Variants in CALN1 observed in about 807,000 individuals in gnomAD.
The protein encoded by CALN1 is calcium-binding protein 8.
A neutral mutation model predicts 30.6 loss-of-function variants in CALN1; 17 were observed. The ratio of observed to expected loss-of-function variants is 0.56; its 90% CI spans 0.38 to 0.83. The LOEUF (loss-of-function observed/expected upper bound fraction) is 0.83, where lower values mean the gene tolerates loss of function less well. Ranked by LOEUF, CALN1 falls within the 40% of genes least tolerant of loss-of-function variation. The pLI is 0.00. For synonymous variants in CALN1, 156 were observed against 131.4 expected (o/e 1.19, Z -1.28); for missense variants, 291 against 354.9 (o/e 0.82, Z 1.45).
At chr7:72,448,369 C>T (rs1312197596), upstream of CALN1, among the ~76,000 whole-genome samples, 1 of 152,188 alleles carries the variant, frequency 6.6e-6, no homozygotes, top group African/African-American at 2.4e-5. Context: ...TTTGATAGAG[C>T]ACGAATCTGT....
At chr7:72,096,639 C>G (rs1727452688) in intron 4 of CALN1, among the ~76,000 whole-genome samples, 2 of 152,284 alleles carry the variant, frequency 1.3e-5, no homozygotes, top group South Asian at 4.1e-4. Flanking sequence ...ATTTGCAAAG[C>G]TAGCTGGATT....
chr7:72,180,499 T>C (rs76506090), intron 3 of CALN1, among the ~76,000 whole-genome samples: 3,553 of 151,784 alleles, frequency 0.023, 151 homozygotes, highest in African/African-American at 0.081. Flanking sequence ...CAATTATTCA[T>C]TGACATCTTC....
intron 5 of CALN1, among the ~76,000 whole-genome samples, chr7:71,965,804 G>A (rs4719197): frequency 0.059 from 8,961 of 152,206 alleles, 357 homozygotes; most frequent in Admixed American, 0.12. Flanking sequence ...ATAAAAAGAT[G>A]CCCCAGTATC....
At chr7:71,907,247 C>T (rs911050046) in intron 5 of CALN1, among the ~76,000 whole-genome samples, 1 of 151,952 alleles carries the variant, frequency 6.6e-6, no homozygotes, top group African/African-American at 2.4e-5. Flanking sequence ...TAAACACACA[C>T]ACACACACAC....
At chr7:71,892,260 GGCC>G (rs1793285019) in intron 5 of CALN1, among the ~76,000 whole-genome samples, 1 of 151,932 alleles carries the variant, frequency 6.6e-6, no homozygotes, top group Admixed American at 6.6e-5. Context: ...AATGATTATT[GGCC>G]ATCTATTTTT....
chr7:72,168,992 G>C (rs1256007835), intron 3 of CALN1, among the ~76,000 whole-genome samples: 1 of 151,786 alleles, frequency 6.6e-6, no homozygotes, highest in African/African-American at 2.4e-5. Flanking sequence ...TTTTAGTAGA[G>C]ACGGGATTTT....
chr7:72,380,141 C>T (rs1914394), intron 2 of CALN1, among the ~76,000 whole-genome samples: 30,454 of 152,052 alleles, frequency 0.2, 3,840 homozygotes, highest in East Asian at 0.37. Context: ...GTCAGAAAAT[C>T]CAATAGTCAG....
At chr7:71,954,032 CA>C (rs1427530728) in intron 5 of CALN1, among the ~76,000 whole-genome samples, 1 of 152,182 alleles carries the variant, frequency 6.6e-6, no homozygotes, top group African/African-American at 2.4e-5. Flanking sequence ...GCTAGAGAAT[CA>C]GGGGTAAAGG....
intron 3 of CALN1, among the ~76,000 whole-genome samples, chr7:72,205,735 C>T (rs1791830346): frequency 6.6e-6 from 1 of 150,786 alleles, no homozygotes; most frequent in Non-Finnish European, 1.5e-5. Context: ...TGGGGTTAAA[C>T]TTGAAAAAGC....
intron 5 of CALN1, among the ~76,000 whole-genome samples, chr7:71,894,457 G>T (rs190623475): frequency 1.3e-5 from 2 of 152,136 alleles, no homozygotes; most frequent in African/African-American, 2.4e-5. Flanking sequence ...TGTAGAGACG[G>T]AGTCTCGTTA....
chr7:72,171,638 G>C (rs1478543747), intron 3 of CALN1, among the ~76,000 whole-genome samples: 1 of 151,968 alleles, frequency 6.6e-6, no homozygotes, highest in South Asian at 2.1e-4. Flanking sequence ...CCCACATCCA[G>C]GACTAACATG....
At chr7:72,273,539 GTCTT>G (rs1797143998) in intron 3 of CALN1, among the ~76,000 whole-genome samples, 1 of 144,610 alleles carries the variant, frequency 6.9e-6, no homozygotes, top group East Asian at 2.0e-4. Flanking sequence ...TAGAGACAGG[GTCTT>G]TCTTTCTCAC....
intron 2 of CALN1, among the ~76,000 whole-genome samples, chr7:72,314,436 T>G (rs967270340): frequency 5.3e-5 from 8 of 151,664 alleles, no homozygotes; most frequent in Non-Finnish European, 1.0e-4. Flanking sequence ...CATAGATTTT[T>G]TTTTTTTGAG....
chr7:72,407,768 A>C (rs1276727681), intron 1 of CALN1, among the ~76,000 whole-genome samples: 1 of 152,096 alleles, frequency 6.6e-6, no homozygotes, highest in Non-Finnish European at 1.5e-5. Context: ...ACTAATACTG[A>C]CTGAGCTTCT....
At chr7:71,873,790 G>A (rs1047055856) in intron 5 of CALN1, among the ~76,000 whole-genome samples, 1 of 152,190 alleles carries the variant, frequency 6.6e-6, no homozygotes, top group Non-Finnish European at 1.5e-5. Context: ...ACACTACCTT[G>A]AGCTTTTATT....
intron 5 of CALN1, among the ~76,000 whole-genome samples, chr7:71,904,961 C>T (rs572071311): frequency 3.3e-5 from 5 of 152,022 alleles, no homozygotes; most frequent in African/African-American, 4.8e-5. Flanking sequence ...TTTATTGAGA[C>T]GGGGTCTTGC....
intron 3 of CALN1, among the ~76,000 whole-genome samples, chr7:72,165,590 C>T (rs1788463507): frequency 2.6e-5 from 4 of 151,642 alleles, no homozygotes. Flanking sequence ...ACTCTGTCTC[C>T]AACAACAACA....
chr7:72,402,620 C>A (rs1047600646), intron 2 of CALN1, among the ~76,000 whole-genome samples: 1 of 152,176 alleles, frequency 6.6e-6, no homozygotes, highest in Non-Finnish European at 1.5e-5. Flanking sequence ...CCATGAGGGT[C>A]TCCGAGGAAA....
At chr7:71,983,989 GATA>G (rs918415435) in intron 5 of CALN1, among the ~76,000 whole-genome samples, 3 of 152,074 alleles carry the variant, frequency 2.0e-5, no homozygotes, top group Admixed American at 1.3e-4. Context: ...CGCGCCAAAA[GATA>G]ATAGTTTGTA....
Sources: gnomAD v4.1 joint callset for allele counts (sites outside exome capture counted in the v4.1 genomes callset) on GRCh38, gnomAD v4.1.1 for gene constraint, MANE v1.5 for transcripts, NCBI Gene and HGNC (gene_info 2026-07-23, HGNC 2026-07-21) for gene names.